The following FNDC3B variants were observed in gnomAD, a reference collection of about 807,000 sequenced individuals.
The protein encoded by FNDC3B is fibronectin type III domain-containing protein 3B.
FNDC3B carries 12 observed loss-of-function variants against 151.5 expected under a neutral mutation model. The ratio of observed to expected loss-of-function variants is 0.08; its 90% confidence interval spans 0.05 to 0.13. The LOEUF (loss-of-function observed/expected upper bound fraction) is 0.13, where lower values mean the gene tolerates loss of function less well. Among genes scored for constraint, FNDC3B ranks in the 10% least tolerant of loss-of-function variants. FNDC3B has a pLI of 1.00. For missense variants in FNDC3B, 1,214 were observed against 1,505.3 expected (o/e 0.81, Z 3.20); for synonymous variants, 528 against 549.0 (o/e 0.96, Z 0.54).
At chr3:172,263,533 T>C (rs1371745953) in intron 6 of FNDC3B, among the ~76,000 whole-genome samples, 2 of 152,022 alleles carry the variant, frequency 1.3e-5, no homozygotes. Context: ...AAAAATGATG[T>C]GTTACTTAAG....
At chr3:172,054,832 G>A (rs929382445) in intron 1 of FNDC3B, among the ~76,000 whole-genome samples, 1 of 152,126 alleles carries the variant, frequency 6.6e-6, no homozygotes, top group Non-Finnish European at 1.5e-5. Flanking sequence ...CCAGCTTTCA[G>A]GACTTGCTGT....
At chr3:172,119,787 G>A (rs1404919574) in intron 2 of FNDC3B, among the ~76,000 whole-genome samples, 3 of 152,096 alleles carry the variant, frequency 2.0e-5, no homozygotes, top group Non-Finnish European at 4.4e-5. Flanking sequence ...TCTCCAGTCC[G>A]AAGGTCCACC....
chr3:172,182,488 T>A (rs1297315124), intron 3 of FNDC3B, among the ~76,000 whole-genome samples: 1 of 152,180 alleles, frequency 6.6e-6, no homozygotes, highest in Non-Finnish European at 1.5e-5. Flanking sequence ...GTGTCTATTT[T>A]GGTTGTCCGC....
In FNDC3B at chr3:172,170,801, C is replaced by A. The variant is rs1365156913; in HGVS notation, c.187+37255C>A. On this transcript the variant is annotated intron_variant, in intron 3 of 25. Transcript: ENST00000415807. ...GTAACTTTCAGGTAATGAAACAGTACCTTCCCATTATTGAGCTCTTTTTTT... is the reference window on the plus strand; with the variant it reads ...GTAACTTTCAGGTAATGAAACAGTAACTTCCCATTATTGAGCTCTTTTTTT... 3.3e-5 allele frequency among the ~76,000 whole-genome samples: 5 copies of A among 152,186 alleles called. No individual in the cohort carries two copies. The East Asian group carries it at 9.6e-4, about 29-fold the overall frequency.
intron 3 of FNDC3B, 182 bp downstream of exon 3, chr3:172,133,728 T>C: frequency 1.6e-6 from 1 of 639,400 alleles, no homozygotes; most frequent in South Asian, 1.6e-5. Flanking sequence ...CCAAAGGACA[T>C]TTTTAGTGGT....
intron 9 of FNDC3B, among the ~76,000 whole-genome samples, chr3:172,299,249 C>T (rs912146861): frequency 3.9e-5 from 6 of 152,202 alleles, no homozygotes; most frequent in African/African-American, 1.4e-4. Context: ...ATACAAGCAT[C>T]AAATTATCTC....
At chr3:172,271,680 C>T (rs1339214643) in intron 6 of FNDC3B, among the ~76,000 whole-genome samples, 7 of 152,156 alleles carry the variant, frequency 4.6e-5, no homozygotes, top group Non-Finnish European at 1.0e-4. Context: ...TCTCCATGCT[C>T]CTATGAGAGA....
At chr3:172,376,760 A>T (rs1429379643) in intron 23 of FNDC3B, among the ~76,000 whole-genome samples, 1 of 152,082 alleles carries the variant, frequency 6.6e-6, no homozygotes, top group African/African-American at 2.4e-5. Context: ...AAATAGGTGA[A>T]ATGACCAGGG....
intron 2 of FNDC3B, chr3:172,127,112 G>T: frequency 2.2e-6 from 1 of 454,510 alleles, no homozygotes; most frequent in Non-Finnish European, 4.4e-6. Flanking sequence ...GGCAGATTTG[G>T]TAAAAAATTT....
chr3:172,217,734 A>G (rs570110036), intron 3 of FNDC3B, among the ~76,000 whole-genome samples: 6 of 152,338 alleles, frequency 3.9e-5, no homozygotes, highest in South Asian at 2.1e-4. Context: ...AATTGAGGAA[A>G]ATTGGGATTT....
chr3:172,213,436 G>A (rs186651799), intron 3 of FNDC3B, among the ~76,000 whole-genome samples: 1 of 152,340 alleles, frequency 6.6e-6, no homozygotes, highest in East Asian at 1.9e-4. Context: ...TAGAGATAAG[G>A]TGATGAAGAA....
At chr3:172,198,749 C>T (rs1210283626) in intron 3 of FNDC3B, among the ~76,000 whole-genome samples, 1 of 152,192 alleles carries the variant, frequency 6.6e-6, no homozygotes, top group East Asian at 1.9e-4. Flanking sequence ...CCTGACTCCC[C>T]ATATCAAGCT....
intron 3 of FNDC3B, among the ~76,000 whole-genome samples, chr3:172,219,457 A>G (rs980270152): frequency 2.0e-5 from 3 of 152,156 alleles, no homozygotes; most frequent in African/African-American, 4.8e-5. Context: ...TAATTTTTCA[A>G]TTCTTTTTTT....
intron 3 of FNDC3B, among the ~76,000 whole-genome samples, chr3:172,175,130 G>T (rs886332518): frequency 4.0e-5 from 6 of 151,608 alleles, no homozygotes; most frequent in African/African-American, 1.5e-4. Context: ...GACAGTCCAG[G>T]GTTCTTGTCT....
Position 172,307,484 on chromosome 3 carries a change from C to T in FNDC3B, c.1183C>T (p.Leu395=). The T allele has an allele frequency of 6.2e-7, 1 of 1,614,126 alleles. No homozygotes were observed. The highest frequency in any genetic ancestry group is 8.5e-7 in the Non-Finnish European group (1 of 1,180,004). ...PKLAHRSKSS[L]TLQWKAPIDN... Reference sequence around the variant, plus strand: ...GCTGGCACATAGGAGCAAAAGTTCACTAACCCTGCAGTGGAAGGTGGGTAG... The same window carrying T: ...GCTGGCACATAGGAGCAAAAGTTCATTAACCCTGCAGTGGAAGGTGGGTAG... The change falls in exon 10 of 26, where the codon CTA becomes TTA. Residue 395 remains leucine (L), a synonymous_variant. Transcript: ENST00000415807.
At chr3:172,232,815 T>G (rs540640217) in intron 4 of FNDC3B, among the ~76,000 whole-genome samples, 19 of 152,328 alleles carry the variant, frequency 1.2e-4, no homozygotes, top group African/African-American at 4.6e-4. Flanking sequence ...CTACTTTCTG[T>G]GTAACTTTGA....
intron 1 of FNDC3B, among the ~76,000 whole-genome samples, chr3:172,098,736 G>T (rs1274330341): frequency 1.3e-5 from 2 of 152,206 alleles, no homozygotes; most frequent in African/African-American, 4.8e-5. Context: ...ACCTTGGGAA[G>T]AACTCGGGGG....
At chr3:172,228,014 T>G (rs1475429093) in intron 4 of FNDC3B, among the ~76,000 whole-genome samples, 1 of 152,240 alleles carries the variant, frequency 6.6e-6, no homozygotes, top group Non-Finnish European at 1.5e-5. Flanking sequence ...GTAAGGCATA[T>G]TGCAGCCACT....
At chr3:172,378,827 A>G (rs1197991904) in intron 24 of FNDC3B, among the ~76,000 whole-genome samples, 1 of 152,146 alleles carries the variant, frequency 6.6e-6, no homozygotes, top group Non-Finnish European at 1.5e-5. Flanking sequence ...CAACTTCAGC[A>G]GCCTTTCTCT....
Sources: gnomAD v4.1 joint callset for allele counts (sites outside exome capture counted in the v4.1 genomes callset) on GRCh38, gnomAD v4.1.1 for gene constraint, MANE v1.5 for transcripts, NCBI Gene and HGNC (gene_info 2026-07-23, HGNC 2026-07-21) for gene names.